The following TRPC5 variants were observed in gnomAD, a reference collection of about 807,000 sequenced individuals.
TRPC5 encodes the protein transient receptor potential cation channel subfamily C member 5, also known as short transient receptor potential channel 5.
A neutral mutation model predicts 56.5 loss-of-function variants in TRPC5; 9 were observed. The ratio of observed to expected loss-of-function variants is 0.16; its 90% confidence interval spans 0.10 to 0.28. The LOEUF (loss-of-function observed/expected upper bound fraction) is 0.28. TRPC5 is among the 10% of genes least tolerant of loss of function. The pLI is 1.00. For missense variants in TRPC5, 469 were observed against 748.9 expected (o/e 0.63, Z 4.36); for synonymous variants, 282 against 278.5 (o/e 1.01, Z -0.13).
intron 2 of TRPC5, chrX:111,930,876 A>G (rs1382504929): frequency 1.7e-5 from 2 of 115,076 alleles, no homozygotes; most frequent in East Asian, 2.6e-4. Context: ...ATGCATGCCA[A>G]TGGAGGATGA....
intron 1 of TRPC5, among the ~76,000 whole-genome samples, chrX:112,074,125 A>G (rs111586463): frequency 5.4e-5 from 6 of 110,887 alleles, no homozygotes; most frequent in Non-Finnish European, 1.1e-4. Context: ...AGAGAAAACT[A>G]AGGCTCAGAG....
rs773212516 is a variant in TRPC5, at chrX:111,810,007, T to A, written c.1896+24914A>T. Among the ~76,000 whole-genome samples the A allele has an allele frequency of 4.6e-5, 5 of 109,572 alleles. No individual in the cohort carries two copies. In the South Asian group the frequency reaches 1.2e-3, roughly 27 times the overall value. On this transcript the variant is annotated intron_variant, in intron 7 of 10. Coordinates refer to ENST00000262839, the MANE Select transcript of TRPC5 (RefSeq NM_012471.3). Reference sequence around the variant, plus strand: ...TTGGCTCACTGCAACCTCTGCCTCCTGGGTTCAAGCAATTCTCCTGCCTCA... The same window carrying A: ...TTGGCTCACTGCAACCTCTGCCTCCAGGGTTCAAGCAATTCTCCTGCCTCA...
chrX:111,881,324 G>A (rs1020100071), intron 3 of TRPC5, among the ~76,000 whole-genome samples: 6 of 110,060 alleles, frequency 5.5e-5, no homozygotes, highest in Non-Finnish European at 1.1e-4. Flanking sequence ...CTACAGGCAC[G>A]CGCCACCACA....
At chrX:111,987,692 T>C (rs1256592779) in intron 1 of TRPC5, among the ~76,000 whole-genome samples, 2 of 112,456 alleles carry the variant, frequency 1.8e-5, no homozygotes, top group Non-Finnish European at 3.8e-5. Context: ...TGAATAATAT[T>C]CGATTGTATA....
At chrX:111,881,355 T>C (rs1444641578) in intron 3 of TRPC5, among the ~76,000 whole-genome samples, 4 of 109,768 alleles carry the variant, frequency 3.6e-5, no homozygotes, top group African/African-American at 1.3e-4. Context: ...TTCTTGTATT[T>C]TTAGTAGAGA....
chrX:112,014,268 G>A (rs1929063918), intron 1 of TRPC5, among the ~76,000 whole-genome samples: 1 of 112,259 alleles, frequency 8.9e-6, no homozygotes, highest in South Asian at 3.7e-4. Context: ...AGAATGGTTT[G>A]GGAGATAGTA....
At chrX:111,942,746 C>T (rs1385674499) in intron 2 of TRPC5, among the ~76,000 whole-genome samples, 1 of 112,179 alleles carries the variant, frequency 8.9e-6, no homozygotes, top group Non-Finnish European at 1.9e-5. Context: ...ATTTGATTGA[C>T]AAAATCCATT....
chrX:112,074,975 C>T (rs1930801831), intron 1 of TRPC5, among the ~76,000 whole-genome samples: 1 of 112,505 alleles, frequency 8.9e-6, no homozygotes, highest in East Asian at 2.8e-4. Context: ...TCTTTTGCAA[C>T]ATCAAACATC....
intron 1 of TRPC5, among the ~76,000 whole-genome samples, chrX:112,045,861 G>A (rs1378333302): frequency 9.0e-6 from 1 of 111,615 alleles, no homozygotes; most frequent in Non-Finnish European, 1.9e-5. Context: ...TAAAGTCCAC[G>A]TGGCTTTCCA....
chrX:111,860,618 A>G, intron 3 of TRPC5, among the ~76,000 whole-genome samples: 1 of 112,343 alleles, frequency 8.9e-6, no homozygotes, highest in Middle Eastern at 4.7e-3. Flanking sequence ...ATACAGTTAG[A>G]AACACAATTG....
chrX:112,039,534 C>T (rs1024716654), intron 1 of TRPC5, among the ~76,000 whole-genome samples: 34 of 112,350 alleles, frequency 3.0e-4, no homozygotes, highest in African/African-American at 1.1e-3. Context: ...TGATTTCTAA[C>T]TCAGCAGATG....
chrX:111,943,384 C>A (rs1023056933), intron 2 of TRPC5, among the ~76,000 whole-genome samples: 2 of 111,913 alleles, frequency 1.8e-5, no homozygotes, highest in Non-Finnish European at 3.8e-5. Context: ...CGCTGTCCCC[C>A]TCCACACTGT....
intron 1 of TRPC5, among the ~76,000 whole-genome samples, chrX:112,031,614 C>T (rs2147719306): frequency 9.1e-6 from 1 of 109,474 alleles, no homozygotes; most frequent in Admixed American, 9.8e-5. Context: ...AGGTGAAATT[C>T]ACCTATTATG....
chrX:111,833,608 A>G (rs1468503714), intron 7 of TRPC5, among the ~76,000 whole-genome samples: 1 of 111,291 alleles, frequency 9.0e-6, no homozygotes, highest in African/African-American at 3.3e-5. Context: ...ATTTCTCCCA[A>G]ATAGGTAACT....
At chrX:111,961,253 C>G (rs1401181283) in intron 1 of TRPC5, among the ~76,000 whole-genome samples, 1 of 112,391 alleles carries the variant, frequency 8.9e-6, no homozygotes, top group African/African-American at 3.2e-5. Flanking sequence ...ACCAGCAAAT[C>G]ATGAATACAT....
intron 1 of TRPC5, among the ~76,000 whole-genome samples, chrX:112,033,671 CTT>C (rs1929649492): frequency 9.0e-6 from 1 of 111,227 alleles, no homozygotes; most frequent in Admixed American, 9.5e-5. Flanking sequence ...AGTTTTAGCT[CTT>C]ATATTTAGGT....
chrX:112,054,726 C>T (rs777309027), intron 1 of TRPC5, among the ~76,000 whole-genome samples: 73 of 111,332 alleles, frequency 6.6e-4, no homozygotes, highest in Non-Finnish European at 1.2e-3. Flanking sequence ...AACATAACCA[C>T]TCTGCTATTT....
intron 7 of TRPC5, among the ~76,000 whole-genome samples, chrX:111,826,441 T>C (rs144747982): frequency 4.6e-4 from 52 of 112,629 alleles, no homozygotes; most frequent in Non-Finnish European, 7.9e-4. Context: ...CTGAATGTTT[T>C]CTTTCTCCTC....
intron 7 of TRPC5, among the ~76,000 whole-genome samples, chrX:111,784,359 A>G (rs1257878580): frequency 8.9e-6 from 1 of 112,363 alleles, no homozygotes; most frequent in East Asian, 2.8e-4. Flanking sequence ...TGAAAAGATA[A>G]CTCATAGAAC....
Sources: allele counts gnomAD v4.1 joint callset (sites outside exome capture counted in the v4.1 genomes callset), GRCh38; gene constraint gnomAD v4.1.1; transcripts MANE v1.5; gene names NCBI Gene and HGNC (gene_info 2026-07-23, HGNC 2026-07-21).